SPOCK3: variants seen among roughly 807,000 people sequenced by gnomAD.
SPOCK3 encodes SPARC (osteonectin), cwcv and kazal like domains proteoglycan 3.
A neutral mutation model predicts 56.6 loss-of-function variants in SPOCK3; 30 were observed. The observed-to-expected ratio is 0.53, with a 90% CI of 0.40 to 0.72. The LOEUF (loss-of-function observed/expected upper bound fraction) is 0.72. Ranked by LOEUF, SPOCK3 falls within the 30% of genes least tolerant of loss-of-function variation. The pLI is 0.00. For missense variants in SPOCK3, 527 were observed against 530.0 expected (o/e 0.99, Z 0.06); for synonymous variants, 196 against 183.3 (o/e 1.07, Z -0.56).
At chr4:167,057,451 G>A (rs1245115778) in intron 3 of SPOCK3, among the ~76,000 whole-genome samples, 3 of 151,844 alleles carry the variant, frequency 2.0e-5, no homozygotes, top group African/African-American at 4.8e-5. Flanking sequence ...AACTTTAAAT[G>A]TAAATGGACT....
intron 6 of SPOCK3, among the ~76,000 whole-genome samples, chr4:166,814,600 C>A (rs1744196840): frequency 6.6e-6 from 1 of 152,082 alleles, no homozygotes. Context: ...ACTCCAGGTT[C>A]TTTGACCTTT....
intron 3 of SPOCK3, among the ~76,000 whole-genome samples, chr4:167,010,956 C>T (rs780349722): frequency 6.6e-6 from 1 of 152,094 alleles, no homozygotes; most frequent in Non-Finnish European, 1.5e-5. Flanking sequence ...TAGTTACTTT[C>T]ATCCAGTTTT....
At chr4:167,210,384 A>G (rs1734755214) in intron 2 of SPOCK3, among the ~76,000 whole-genome samples, 1 of 152,164 alleles carries the variant, frequency 6.6e-6, no homozygotes, top group African/African-American at 2.4e-5. Flanking sequence ...CCATTGTCAC[A>G]GTGCATTGAA....
intron 7 of SPOCK3, among the ~76,000 whole-genome samples, chr4:166,783,346 G>A (rs1464603546): frequency 6.6e-6 from 1 of 151,916 alleles, no homozygotes; most frequent in Non-Finnish European, 1.5e-5. Flanking sequence ...GCAACAGAAC[G>A]AGAGTCTGTC....
At position 167,117,278 on chromosome 4, in the gene SPOCK3, C is replaced by T. The variant is rs150635395; in HGVS notation, c.190-54741G>A. 2.4e-3 allele frequency among the ~76,000 whole-genome samples: 359 copies of T among 152,142 alleles called. 2 individuals are homozygous for T. Among genetic ancestry groups the T allele is most frequent in the Middle Eastern group, 0.014 (4 of 294 alleles). On this transcript the variant is annotated intron_variant, in intron 2 of 10. Coordinates refer to ENST00000357545, the MANE Select transcript of SPOCK3 (RefSeq NM_001040159.2). ...ACAATATGTAACACAATTTAAACTG[C>T]CACTTGTGGGCTGGTATGAGGGAGT...
chr4:167,001,544 G>C (rs1438721195), intron 3 of SPOCK3, among the ~76,000 whole-genome samples: 2 of 152,030 alleles, frequency 1.3e-5, no homozygotes, highest in Non-Finnish European at 1.5e-5. Context: ...TATGAATTTT[G>C]GTTGTTTCCA....
At chr4:167,214,050 C>T (rs377160896) in intron 2 of SPOCK3, among the ~76,000 whole-genome samples, 34 of 152,040 alleles carry the variant, frequency 2.2e-4, no homozygotes, top group African/African-American at 7.2e-4. Context: ...TACCAAATTA[C>T]GTTCTCAAAG....
chr4:166,734,939 G>A lies in SPOCK3; in HGVS notation c.1284C>T (p.Asp428=), dbSNP rs149878095. The change falls in exon 11 of 11, where the codon GAC becomes GAT. Residue 428 remains aspartate, a synonymous_variant. Transcript: ENST00000357545. The part of the protein sequence containing the change: ...DEGDDDDGGD[D]HDVYI ...TCATCAATCAAATGTATACATCATG[G>A]TCATCACCACCATCATCATCATCCC... The A allele has an allele frequency of 1.3e-6, 2 of 1,551,846 alleles. No homozygotes were observed. The highest frequency in any genetic ancestry group is 1.1e-5 in the South Asian group (1 of 87,122).
At chr4:167,171,733 T>C (rs907707892) in intron 2 of SPOCK3, among the ~76,000 whole-genome samples, 1 of 152,130 alleles carries the variant, frequency 6.6e-6, no homozygotes, top group Non-Finnish European at 1.5e-5. Context: ...TAACTTTGCA[T>C]TAAAATCTAT....
At chr4:167,099,328 T>C (rs1353764331) in intron 2 of SPOCK3, among the ~76,000 whole-genome samples, 1 of 151,998 alleles carries the variant, frequency 6.6e-6, no homozygotes, top group Non-Finnish European at 1.5e-5. Context: ...TAACAGCATA[T>C]ATAATTCCTG....
At chr4:166,995,181 G>C (rs1748220781) in intron 4 of SPOCK3, among the ~76,000 whole-genome samples, 1 of 151,932 alleles carries the variant, frequency 6.6e-6, no homozygotes, top group Non-Finnish European at 1.5e-5. Flanking sequence ...GATAACAACT[G>C]TAAGTCATCT....
chr4:167,121,363 C>T (rs1383861558), intron 2 of SPOCK3, among the ~76,000 whole-genome samples: 1 of 151,458 alleles, frequency 6.6e-6, no homozygotes, highest in Non-Finnish European at 1.5e-5. Context: ...CATCTCTCTT[C>T]GTGTCAGCAA....
intron 2 of SPOCK3, among the ~76,000 whole-genome samples, chr4:167,096,711 T>G (rs2150317821): frequency 6.6e-6 from 1 of 152,010 alleles, no homozygotes; most frequent in South Asian, 2.1e-4. Flanking sequence ...CATATGAGCT[T>G]GAGAAGAATG....
At chr4:167,074,901 AC>A (rs1757034711) in intron 2 of SPOCK3, among the ~76,000 whole-genome samples, 1 of 151,988 alleles carries the variant, frequency 6.6e-6, no homozygotes, top group African/African-American at 2.4e-5. Context: ...TACATAGAGT[AC>A]GTACAATGTT....
chr4:166,858,661 G>A (rs551701408), intron 6 of SPOCK3, among the ~76,000 whole-genome samples: 1 of 152,220 alleles, frequency 6.6e-6, no homozygotes, highest in East Asian at 1.9e-4. Context: ...GATCATACAT[G>A]TGGAATGGAG....
intron 4 of SPOCK3, among the ~76,000 whole-genome samples, chr4:166,952,573 G>A (rs1377991598): frequency 5.3e-5 from 8 of 151,950 alleles, no homozygotes; most frequent in Admixed American, 3.3e-4. Context: ...CACAGAATTG[G>A]AAAAAACTAC....
At chr4:166,942,373 G>A (rs1741186564) in intron 4 of SPOCK3, among the ~76,000 whole-genome samples, 1 of 151,010 alleles carries the variant, frequency 6.6e-6, no homozygotes. Flanking sequence ...ACCATACCCA[G>A]CTAATTTTTG....
chr4:166,832,888 C>G (rs112127784), intron 6 of SPOCK3, among the ~76,000 whole-genome samples: 60 of 152,180 alleles, frequency 3.9e-4, no homozygotes, highest in African/African-American at 1.4e-3. Context: ...ACAATAAATT[C>G]TGGGTCCTAC....
chr4:166,923,866 C>A (rs1029492413), intron 4 of SPOCK3, among the ~76,000 whole-genome samples: 2 of 152,172 alleles, frequency 1.3e-5, no homozygotes, highest in African/African-American at 4.8e-5. Flanking sequence ...AAAAAATAGA[C>A]CCCATTTTTA....
Sources: allele counts gnomAD v4.1 joint callset (sites outside exome capture counted in the v4.1 genomes callset), GRCh38; gene constraint gnomAD v4.1.1; transcripts MANE v1.5; gene names NCBI Gene and HGNC (gene_info 2026-07-23, HGNC 2026-07-21).